PRELID2: variants seen among roughly 807,000 people sequenced by gnomAD.
PRELID2 encodes PRELI domain containing 2, also known as PRELI domain-containing protein 2.
PRELID2 carries 25 observed loss-of-function variants against 28.4 expected under a neutral mutation model. The observed-to-expected ratio is 0.88, with a 90% CI of 0.64 to 1.23. The LOEUF is 1.23. PRELID2 is among the 50% of genes most tolerant of loss of function. The pLI is 0.00. For synonymous variants in PRELID2, 76 were observed against 71.6 expected, an observed-to-expected ratio of 1.06 and a Z score of -0.31; for missense variants, 201 against 214.4, an observed-to-expected ratio of 0.94 and a Z score of 0.39.
intron 1 of PRELID2, chr5:145,825,852 CT>C (rs1755158844): frequency 1.2e-5 from 2 of 173,842 alleles, no homozygotes; most frequent in South Asian, 3.8e-4. Flanking sequence ...GAGGCTCCCC[CT>C]ACCTGGCATT....
chr5:145,517,788 A>G (rs1305261579), intron 1 of PRELID2, among the ~76,000 whole-genome samples: 1 of 152,200 alleles, frequency 6.6e-6, no homozygotes, highest in East Asian at 1.9e-4. Flanking sequence ...TGGCACATAT[A>G]CACCATGGAA....
At chr5:145,694,625 T>C (rs542907325) in intron 1 of PRELID2, among the ~76,000 whole-genome samples, 2 of 152,188 alleles carry the variant, frequency 1.3e-5, no homozygotes, top group Non-Finnish European at 1.5e-5. Context: ...ACTGTTGTTT[T>C]GTTTTGTTTT....
intron 1 of PRELID2, among the ~76,000 whole-genome samples, chr5:145,749,031 A>T (rs1427185556): frequency 6.6e-6 from 1 of 152,196 alleles, no homozygotes; most frequent in East Asian, 1.9e-4. Flanking sequence ...TCCAGAAGAA[A>T]ACCTAGGCAA....
intron 1 of PRELID2, among the ~76,000 whole-genome samples, chr5:145,620,884 G>C (rs1248075593): frequency 2.0e-5 from 3 of 151,908 alleles, no homozygotes; most frequent in African/African-American, 7.3e-5. Flanking sequence ...ACTTACAAAA[G>C]AATAACATTA....
chr5:145,724,282 T>A (rs1756068780), intron 1 of PRELID2, among the ~76,000 whole-genome samples: 1 of 151,530 alleles, frequency 6.6e-6, no homozygotes, highest in South Asian at 2.1e-4. Context: ...TGCCAAAAAA[T>A]TATGATCATA....
the PRELID2 span, among the ~76,000 whole-genome samples, chr5:145,398,164 C>T: frequency 6.6e-6 from 1 of 152,106 alleles, no homozygotes; most frequent in Admixed American, 6.6e-5. Flanking sequence ...TCTGTACTGC[C>T]CATCTTCTAC....
chr5:145,229,732 T>C, the PRELID2 span: 7 of 754,270 alleles, frequency 9.3e-6, no homozygotes, highest in African/African-American at 8.5e-5. Flanking sequence ...GACCGGGAAG[T>C]GCACAAAACC....
At chr5:145,390,188 C>G in the PRELID2 span, among the ~76,000 whole-genome samples, 5 of 152,142 alleles carry the variant, frequency 3.3e-5, no homozygotes, top group African/African-American at 1.2e-4. Flanking sequence ...TATAATATCT[C>G]AGTTGAAGCA....
the PRELID2 span, among the ~76,000 whole-genome samples, chr5:145,344,533 A>G: frequency 6.6e-6 from 1 of 152,076 alleles, no homozygotes; most frequent in African/African-American, 2.4e-5. Context: ...TTTAGTAAAT[A>G]TTTTGCCTAT....
At chr5:145,251,295 C>T in the PRELID2 span, among the ~76,000 whole-genome samples, 2 of 152,064 alleles carry the variant, frequency 1.3e-5, no homozygotes, top group Non-Finnish European at 2.9e-5. Flanking sequence ...CCACTTGTGA[C>T]CTCAATTATT....
At chr5:145,346,292 G>C in the PRELID2 span, among the ~76,000 whole-genome samples, 1 of 152,092 alleles carries the variant, frequency 6.6e-6, no homozygotes, top group Non-Finnish European at 1.5e-5. Context: ...GCTCACATTT[G>C]AATTGCAGTC....
rs1239172975 is a variant in PRELID2 at position 145,832,753 on chromosome 5, CAT to C, written c.75+2422_75+2423del. On this transcript the variant is annotated intron_variant, in intron 1 of 6. Transcript: ENST00000683046. The stretch of plus-strand genomic sequence containing the variant: ...AACATGATAAAGTATGGAAAGCACA[CAT>C]GAGCGCACATACACACACCACACCA... Among the ~76,000 whole-genome samples, 3 of 151,934 alleles carry C rather than the reference CAT, an allele frequency of 2.0e-5. No homozygotes were observed. In the East Asian group the frequency reaches 5.8e-4, roughly 29 times the overall value.
At chr5:145,297,108 G>A in the PRELID2 span, among the ~76,000 whole-genome samples, 1 of 151,980 alleles carries the variant, frequency 6.6e-6, no homozygotes, top group Non-Finnish European at 1.5e-5. Flanking sequence ...TGTCAGATGA[G>A]TAGGTTGCGA....
At chr5:145,361,837 G>A in the PRELID2 span, among the ~76,000 whole-genome samples, 1 of 151,982 alleles carries the variant, frequency 6.6e-6, no homozygotes, top group Non-Finnish European at 1.5e-5. Context: ...CCTCCTACCT[G>A]GGAGGCAATT....
intron 1 of PRELID2, among the ~76,000 whole-genome samples, chr5:145,564,151 G>A (rs1752946426): frequency 6.6e-6 from 1 of 152,176 alleles, no homozygotes; most frequent in Non-Finnish European, 1.5e-5. Flanking sequence ...ATAAGCCAAA[G>A]CTTTTAAAGA....
rs1396180880 is a variant in PRELID2 at position 145,741,607 on chromosome 5, T to A, written n.70+23324A>T. On this transcript the variant is annotated intron_variant and non_coding_transcript_variant, in intron 1 of 2. Coordinates refer to the PRELID2 transcript ENST00000510259. Reference sequence around the variant, plus strand: ...ATTTATATATAAAATTTATTTATAATTTATTTATATATAAATAATTTATTT... The same window carrying A: ...ATTTATATATAAAATTTATTTATAAATTATTTATATATAAATAATTTATTT... Among the ~76,000 whole-genome samples the A allele has an allele frequency of 5.3e-3, 89 of 16,804 alleles. 3 individuals are homozygous for A. In the East Asian group the frequency reaches 0.1, roughly 19 times the overall value. The allele number at this position is 16,804 out of a possible 152,430, so 11.0% of individuals were successfully genotyped here. A position where few individuals can be genotyped will look rare whatever the true frequency, so the allele number is the denominator to read the frequency against.
chr5:145,566,982 C>T (rs1752972624), intron 1 of PRELID2, among the ~76,000 whole-genome samples: 1 of 151,936 alleles, frequency 6.6e-6, no homozygotes, highest in Non-Finnish European at 1.5e-5. Flanking sequence ...GTATTATTTA[C>T]ACTAAATGTG....
At chr5:145,800,399 A>C (rs1476014422) in intron 4 of PRELID2, among the ~76,000 whole-genome samples, 1 of 151,848 alleles carries the variant, frequency 6.6e-6, no homozygotes, top group Non-Finnish European at 1.5e-5. Context: ...CCTTAGATTT[A>C]AGCCTATTTA....
At position 145,781,466 on chromosome 5, in the gene PRELID2, T is replaced by A. The variant is rs536965140; in HGVS notation, c.474+14976A>T. On this transcript the variant is annotated intron_variant, in intron 5 of 6. Transcript: ENST00000683046. ...GCCTAGGAAAATCCAAGCCCAATCC[T>A]GTAAGTAATGATGCCTTTTTTTGAT... Among the ~76,000 whole-genome samples the A allele has an allele frequency of 8.9e-4, 136 of 152,052 alleles. 1 individual carries two copies. Among genetic ancestry groups the A allele is most frequent in the Non-Finnish European group, 1.1e-3 (78 of 68,002 alleles).
Sources: gnomAD v4.1 joint callset for allele counts (sites outside exome capture counted in the v4.1 genomes callset) on GRCh38, gnomAD v4.1.1 for gene constraint, MANE v1.5 for transcripts, NCBI Gene and HGNC (gene_info 2026-07-23, HGNC 2026-07-21) for gene names.